The following MYH15 variants were observed in gnomAD, a reference collection of about 807,000 sequenced individuals.
MYH15 encodes myosin heavy chain 15.
A neutral mutation model predicts 240.5 loss-of-function variants in MYH15; 227 were observed. The ratio of observed to expected loss-of-function variants is 0.94; its 90% CI spans 0.85 to 1.05. The LOEUF is 1.05. MYH15 is among the 50% of genes least tolerant of loss of function. The probability of loss-of-function intolerance (pLI) is 0.00; values close to 1 mark genes in which losing one functional copy is unlikely to be tolerated. For missense variants in MYH15, 2,217 were observed against 2,247.5 expected (o/e 0.99, Z 0.27); for synonymous variants, 785 against 796.7 (o/e 0.99, Z 0.25).
At chr3:108,467,264 G>C (rs1391775709) in intron 14 of MYH15, among the ~76,000 whole-genome samples, 2 of 151,112 alleles carry the variant, frequency 1.3e-5, no homozygotes, top group Non-Finnish European at 2.9e-5. Flanking sequence ...TGTTTAAAGA[G>C]AATACTCATG....
chr3:108,444,173 A>AT (rs1238269431), intron 22 of MYH15, among the ~76,000 whole-genome samples: 1 of 151,668 alleles, frequency 6.6e-6, no homozygotes. Context: ...TAATTAATTA[A>AT]TTTTTTTAAA....
At chr3:108,480,298 A>G (rs2083256653) in intron 11 of MYH15, among the ~76,000 whole-genome samples, 1 of 152,174 alleles carries the variant, frequency 6.6e-6, no homozygotes, top group African/African-American at 2.4e-5. Context: ...GAACAGCACG[A>G]CTTGAAGCCA....
chr3:108,510,824 A>G (rs2083517563), upstream of MYH15, among the ~76,000 whole-genome samples: 3 of 152,202 alleles, frequency 2.0e-5, no homozygotes, highest in Admixed American at 2.0e-4. Context: ...GAGGCCCACA[A>G]TGCTTTTAGG....
In MYH15 at chr3:108,408,340, C is replaced by T. The variant is rs768865349; in HGVS notation, c.4560G>A (p.Lys1520=). 1 of 1,613,540 alleles carries T rather than the reference C, an allele frequency of 6.2e-7. No homozygotes were observed. The highest frequency in any genetic ancestry group is 1.3e-5 in the African/African-American group (1 of 75,004). ...EGTKNLTEME[K]VKKLIEEEKT... ...TCTCTTCTTCAATTAGTTTCTTGAC[C>T]TTTTCCATTTCAGTTAAGTTCTTGG... is the stretch of plus-strand genomic sequence containing the variant. Residue 1520 remains lysine, a synonymous_variant, in exon 32 of 41, where the codon AAG becomes AAA. Transcript: ENST00000693548.
intron 21 of MYH15, among the ~76,000 whole-genome samples, chr3:108,452,706 G>T (rs1203598620): frequency 1.3e-5 from 2 of 152,078 alleles, no homozygotes; most frequent in African/African-American, 4.8e-5. Context: ...CATGGAATGA[G>T]AAACACAAAC....
chr3:108,429,708 T>A (rs895266275), intron 26 of MYH15, among the ~76,000 whole-genome samples: 1 of 152,192 alleles, frequency 6.6e-6, no homozygotes, highest in Non-Finnish European at 1.5e-5. Context: ...AGAATATGTT[T>A]TCCTTTCCAT....
In MYH15 at chr3:108,419,468, G is replaced by A. The variant is rs565618982; in HGVS notation, c.3829+1620C>T. Reference sequence around the variant, plus strand: ...GTAGAAAATTAATGCCAATAACTAGGGGTAGACAGCCAATGCCTATCAAAA... The same window carrying A: ...GTAGAAAATTAATGCCAATAACTAGAGGTAGACAGCCAATGCCTATCAAAA... On this transcript the variant is annotated intron_variant, in intron 28 of 40. Transcript: ENST00000693548. Among the ~76,000 whole-genome samples, 57 of 152,226 alleles carry A rather than the reference G, an allele frequency of 3.7e-4. No individual in the cohort carries two copies. The Middle Eastern group carries it at 0.01, about 27-fold the overall frequency.
intron 1 of MYH15, among the ~76,000 whole-genome samples, chr3:108,525,535 C>T (rs993007821): frequency 6.6e-6 from 1 of 152,084 alleles, no homozygotes; most frequent in Non-Finnish European, 1.5e-5. Flanking sequence ...AAACTTCCCT[C>T]GTGAACCTGG....
In MYH15 at chr3:108,470,199, T is replaced by C; in HGVS notation, c.1397A>G (p.Glu466Gly). 1 of 1,605,546 alleles carries C rather than the reference T, an allele frequency of 6.2e-7. No individual in the cohort carries two copies. Among genetic ancestry groups the C allele is most frequent in the Non-Finnish European group, 8.5e-7 (1 of 1,175,884 alleles). ...ATTGGTAAAATTAATGCAAAGTTGC[T>C]CAAGGCTATTATACTTCAAGGATAT... The part of the protein sequence containing the change: ...GFEILEYNSL[E>G]QLCINFTNEK... The change falls in exon 14 of 41, where the codon GAG (glutamate) becomes GGG (glycine). Residue 466 changes from glutamate to glycine, a missense_variant. Physicochemically the swap from Glu to Gly is moderately conservative, Grantham distance 98 (BLOSUM62 -2). Transcript: ENST00000693548.
At position 108,398,663 on chromosome 3, in the gene MYH15, C is replaced by G. The variant is rs2082480652; in HGVS notation, c.5107G>C (p.Glu1703Gln). 1 of 1,613,452 alleles carries G rather than the reference C, an allele frequency of 6.2e-7. No individual in the cohort carries two copies. Among genetic ancestry groups the G allele is most frequent in the Non-Finnish European group, 8.5e-7 (1 of 1,180,050 alleles). The change falls in exon 35 of 41, where the codon GAA (glutamate) becomes CAA (glutamine). Residue 1703 changes from glutamate to glutamine, a missense_variant. Glu to Gln is a conservative substitution (Grantham distance 29). Transcript: ENST00000693548. ...TGGGTATAGAAAAGATTGATTCTTT[C>G]TGTTGCTTCCAGGAGCTCTTCTTCT... ...LSEEELLEAT[E>Q]RINLFYTQNT...
chr3:108,411,375 C>G (rs2082591890), intron 30 of MYH15, among the ~76,000 whole-genome samples: 1 of 152,200 alleles, frequency 6.6e-6, no homozygotes, highest in Non-Finnish European at 1.5e-5. Flanking sequence ...AGAACACTCT[C>G]TTGCTTTTTC....
At chr3:108,456,168 A>G (rs1040296279) in intron 19 of MYH15, among the ~76,000 whole-genome samples, 1 of 152,210 alleles carries the variant, frequency 6.6e-6, no homozygotes, top group African/African-American at 2.4e-5. Context: ...TACTGTATAG[A>G]TAAGGAAACT....
intron 1 of MYH15, among the ~76,000 whole-genome samples, chr3:108,523,188 T>C (rs2107269746): frequency 6.6e-6 from 1 of 152,214 alleles, no homozygotes; most frequent in Non-Finnish European, 1.5e-5. Flanking sequence ...ATATGCATAA[T>C]AAAAGTTCCA....
intron 28 of MYH15, among the ~76,000 whole-genome samples, chr3:108,420,125 A>C (rs1356829901): frequency 6.6e-6 from 1 of 152,128 alleles, no homozygotes; most frequent in Non-Finnish European, 1.5e-5. Context: ...TAGATTGGAA[A>C]AACAGAAAAA....
rs771321353 is a variant in MYH15 at position 108,460,384 on chromosome 3, A to G, written c.1865-17T>C. Reference sequence around the variant, plus strand: ...ATGGTATAGCTAGCAAAAAAAAAAAAAGAAAAAGATGAAAACATGTAAAAA... The same window carrying G: ...ATGGTATAGCTAGCAAAAAAAAAAAGAGAAAAAGATGAAAACATGTAAAAA... On this transcript the variant is annotated splice_polypyrimidine_tract_variant and intron_variant, in intron 16 of 40. Coordinates refer to ENST00000693548, the MANE Select transcript of MYH15 (RefSeq NM_014981.3). 56 of 1,547,416 alleles carry G rather than the reference A, an allele frequency of 3.6e-5. No homozygotes were observed. The highest frequency in any genetic ancestry group is 4.5e-5 in the East Asian group (2 of 44,202).
the MYH15 span, among the ~76,000 whole-genome samples, chr3:108,547,352 G>A: frequency 6.6e-6 from 1 of 151,948 alleles, no homozygotes; most frequent in Non-Finnish European, 1.5e-5. Context: ...GGCTGGAAAT[G>A]TACAATTATT....
In MYH15 at chr3:108,524,346, ATTGT is replaced by A. The variant is rs2083649142; in HGVS notation, c.-58+4913_-58+4916del. ...CTCATTTGGATTAGTTCTTGTCTGA[ATTGT>A]TTGTTCTGTCTACTTTTTATTTCGT... On this transcript the variant is annotated intron_variant, in intron 1 of 41. Transcript: ENST00000273353. 2.0e-5 allele frequency among the ~76,000 whole-genome samples: 3 copies of A among 151,814 alleles called. 1 individual carries two copies. Among genetic ancestry groups the A allele is most frequent in the Admixed American group, 2.0e-4 (3 of 15,216 alleles).
At chr3:108,416,718 T>G in intron 29 of MYH15, 94 bp downstream of exon 29, 1 of 1,085,488 alleles carries the variant, frequency 9.2e-7, no homozygotes, top group Non-Finnish European at 1.4e-6. Context: ...CCTTCTTCTT[T>G]TACAAAACAT....
At chr3:108,547,432 G>A in the MYH15 span, among the ~76,000 whole-genome samples, 2 of 152,080 alleles carry the variant, frequency 1.3e-5, no homozygotes, top group South Asian at 4.1e-4. Context: ...TGAGAGCCAA[G>A]GTAAAGTGAT....
Sources: gnomAD v4.1 joint callset for allele counts (sites outside exome capture counted in the v4.1 genomes callset) on GRCh38, gnomAD v4.1.1 for gene constraint, MANE v1.5 for transcripts, NCBI Gene and HGNC (gene_info 2026-07-23, HGNC 2026-07-21) for gene names.